Variants in LINGO2 observed in about 807,000 individuals in gnomAD.
LINGO2 encodes leucine rich repeat and Ig domain containing 2, also known as leucine-rich repeat and immunoglobulin-like domain-containing nogo receptor-interacting protein 2.
In LINGO2, 14 loss-of-function variants were observed where a neutral mutation model predicts 30.6. The ratio of observed to expected loss-of-function variants is 0.46; its 90% CI spans 0.30 to 0.72. LINGO2 has a LOEUF of 0.72. LINGO2 is among the 30% of genes least tolerant of loss of function. The pLI is 0.07. For missense variants in LINGO2, 729 were observed against 751.7 expected, an observed-to-expected ratio of 0.97 and a Z score of 0.35; for synonymous variants, 317 against 288.5, an observed-to-expected ratio of 1.10 and a Z score of -1.00.
intron 3 of LINGO2, among the ~76,000 whole-genome samples, chr9:28,330,232 G>A (rs1825371956): frequency 6.6e-6 from 1 of 152,136 alleles, no homozygotes; most frequent in South Asian, 2.1e-4. Flanking sequence ...CTATCTTGCT[G>A]ACACTTTAAT....
chr9:29,196,751 G>A, the LINGO2 span, among the ~76,000 whole-genome samples: 1 of 152,070 alleles, frequency 6.6e-6, no homozygotes, highest in Non-Finnish European at 1.5e-5. Context: ...TGTTTAATGA[G>A]TAGTATATGA....
At chr9:28,426,907 T>C (rs1038965184) in intron 2 of LINGO2, among the ~76,000 whole-genome samples, 13 of 152,126 alleles carry the variant, frequency 8.5e-5, no homozygotes, top group African/African-American at 2.4e-4. Context: ...CCTCTGAAAC[T>C]GAAAAGCATG....
chr9:28,708,387 A>G, the LINGO2 span, among the ~76,000 whole-genome samples: 87 of 152,194 alleles, frequency 5.7e-4, no homozygotes, highest in African/African-American at 2.1e-3. Context: ...TTGCATCATG[A>G]GGTTGACTCT....
At chr9:28,245,291 T>C (rs1341732715) in intron 4 of LINGO2, among the ~76,000 whole-genome samples, 3 of 152,152 alleles carry the variant, frequency 2.0e-5, no homozygotes, top group Non-Finnish European at 4.4e-5. Flanking sequence ...AACTAGGTAT[T>C]GATGGAACAT....
chr9:28,778,927 T>G, the LINGO2 span, among the ~76,000 whole-genome samples: 1 of 152,168 alleles, frequency 6.6e-6, no homozygotes, highest in Admixed American at 6.5e-5. Context: ...ATCTGGATTA[T>G]CTATATCTGT....
the LINGO2 span, among the ~76,000 whole-genome samples, chr9:28,766,424 T>C: frequency 0.072 from 10,736 of 149,040 alleles, 1,350 homozygotes; most frequent in African/African-American, 0.24. Flanking sequence ...AGAATGGCTA[T>C]TATCAAAAAG....
chr9:28,630,503 T>A (rs1826886806), intron 1 of LINGO2, among the ~76,000 whole-genome samples: 1 of 152,098 alleles, frequency 6.6e-6, no homozygotes, highest in South Asian at 2.1e-4. Flanking sequence ...TTTTCCTAAT[T>A]TATGAAAATG....
chr9:28,821,199 AG>A, the LINGO2 span, among the ~76,000 whole-genome samples: 1 of 152,342 alleles, frequency 6.6e-6, no homozygotes, highest in South Asian at 2.1e-4. Context: ...TGCACTGACT[AG>A]GGGCATATCT....
chr9:28,008,947 C>G (rs561782549), intron 5 of LINGO2, among the ~76,000 whole-genome samples: 6 of 152,066 alleles, frequency 3.9e-5, no homozygotes, highest in Non-Finnish European at 7.4e-5. Flanking sequence ...ATAAGGAACC[C>G]AAGGTGCCAA....
At chr9:28,652,279 T>C (rs768640203) in intron 1 of LINGO2, among the ~76,000 whole-genome samples, 1 of 152,156 alleles carries the variant, frequency 6.6e-6, no homozygotes, top group African/African-American at 2.4e-5. Context: ...TGTCTTTTCA[T>C]AGACTATTAA....
chr9:28,412,609 C>A (rs1476584444), intron 2 of LINGO2, among the ~76,000 whole-genome samples: 1 of 151,834 alleles, frequency 6.6e-6, no homozygotes, highest in Non-Finnish European at 1.5e-5. Context: ...AAATAAGTTG[C>A]ATTTCTATAG....
At chr9:29,060,038 C>G in the LINGO2 span, among the ~76,000 whole-genome samples, 11 of 151,998 alleles carry the variant, frequency 7.2e-5, no homozygotes, top group Non-Finnish European at 1.0e-4. Context: ...TTAACAAAAG[C>G]AGGCATATTG....
rs895405525 is a variant in LINGO2 at position 27,999,339 on chromosome 9, T to C, written c.-36+13016A>G. On this transcript the variant is annotated intron_variant, in intron 5 of 5. Coordinates refer to ENST00000379992, the Ensembl canonical transcript of LINGO2. ...GAGACTCAGGTGGAAAAGAGAAAGA[T>C]ATGATGTTTTGTGTGCAGGTGTAAC... 1.6e-4 allele frequency among the ~76,000 whole-genome samples: 25 copies of C among 152,074 alleles called. 1 individual carries two copies. The highest frequency in any genetic ancestry group is 9.2e-4 in the Admixed American group (14 of 15,268).
chr9:28,687,894 T>C, the LINGO2 span, among the ~76,000 whole-genome samples: 1 of 152,148 alleles, frequency 6.6e-6, no homozygotes, highest in Non-Finnish European at 1.5e-5. Context: ...ATAACGATTA[T>C]ACCCAAATCA....
At chr9:27,967,693 C>T (rs1820164793) in intron 5 of LINGO2, among the ~76,000 whole-genome samples, 1 of 152,068 alleles carries the variant, frequency 6.6e-6, no homozygotes, top group Non-Finnish European at 1.5e-5. Context: ...ATCACTGATG[C>T]CATTTTGTAT....
the LINGO2 span, among the ~76,000 whole-genome samples, chr9:28,752,471 A>G: frequency 3.9e-5 from 6 of 152,176 alleles, no homozygotes; most frequent in African/African-American, 1.2e-4. Flanking sequence ...AAGGAAATAC[A>G]CAAATAGGCA....
the LINGO2 span, among the ~76,000 whole-genome samples, chr9:28,982,555 A>G: frequency 3.0e-4 from 45 of 152,126 alleles, 1 homozygote; most frequent in South Asian, 9.1e-3. Context: ...TTTTCAAAAT[A>G]AGGTATCATA....
intron 4 of LINGO2, among the ~76,000 whole-genome samples, chr9:28,122,199 G>C (rs1012953483): frequency 1.3e-5 from 2 of 152,128 alleles, no homozygotes; most frequent in African/African-American, 2.4e-5. Flanking sequence ...TCAGTGTCCA[G>C]TTTGGGAATA....
chr9:29,145,262 G>C, the LINGO2 span, among the ~76,000 whole-genome samples: 1 of 152,136 alleles, frequency 6.6e-6, no homozygotes, highest in East Asian at 1.9e-4. Context: ...GGTGATCCAG[G>C]TGTAGAGATG....
Sources: allele counts gnomAD v4.1 joint callset (sites outside exome capture counted in the v4.1 genomes callset), GRCh38; gene constraint gnomAD v4.1.1; transcripts MANE v1.5; gene names NCBI Gene and HGNC (gene_info 2026-07-23, HGNC 2026-07-21).